PCNT: variants seen among roughly 807,000 people sequenced by gnomAD.
PCNT encodes pericentrin.
A neutral mutation model predicts 380.4 loss-of-function variants in PCNT; 319 were observed. The observed-to-expected ratio is 0.84, with a 90% confidence interval of 0.77 to 0.92. The LOEUF (loss-of-function observed/expected upper bound fraction) is 0.92. Among genes scored for constraint, PCNT ranks in the 40% least tolerant of loss-of-function variants. The pLI, the probability that PCNT is intolerant of heterozygous loss-of-function variation, is 0.00. For synonymous variants in PCNT, 1,845 were observed against 1,735.2 expected, an observed-to-expected ratio of 1.06 and a Z score of -1.57; for missense variants, 4,400 against 4,255.3, an observed-to-expected ratio of 1.03 and a Z score of -0.95.
intron 37 of PCNT, chr21:46,431,123 G>T: frequency 4.2e-6 from 5 of 1,188,576 alleles, no homozygotes; most frequent in Non-Finnish European, 5.3e-6. Flanking sequence ...CAAGCTGGGT[G>T]TGTATCTCTG....
intron 27 of PCNT, among the ~76,000 whole-genome samples, chr21:46,404,866 TG>T (rs1343813061): frequency 6.6e-6 from 1 of 152,022 alleles, no homozygotes; most frequent in Non-Finnish European, 1.5e-5. Context: ...ACCCAGGAGA[TG>T]GAGGATGCAG....
intron 15 of PCNT, among the ~76,000 whole-genome samples, chr21:46,372,775 C>T (rs2085195909): frequency 6.6e-6 from 1 of 152,202 alleles, no homozygotes; most frequent in African/African-American, 2.4e-5. Flanking sequence ...GTGGACAGCT[C>T]TGGGTGCTGC....
chr21:46,440,725 A>G, intron 42 of PCNT, 130 bp from the exon 43 acceptor site: 1 of 545,230 alleles, frequency 1.8e-6, no homozygotes, highest in Non-Finnish European at 3.1e-6. Flanking sequence ...TGGAAGGCCG[A>G]TGGCTCTGTG....
intron 39 of PCNT, among the ~76,000 whole-genome samples, chr21:46,436,772 A>G (rs202219022): frequency 1.3e-5 from 2 of 152,004 alleles, no homozygotes; most frequent in Admixed American, 6.5e-5. Context: ...TCCCGGCTGG[A>G]GGTTTCTGAG....
At position 46,430,087 on chromosome 21, in the gene PCNT, G is replaced by C; in HGVS notation, c.7768G>C (p.Glu2590Gln). 6.2e-7 allele frequency: 1 copy of C among 1,614,242 alleles called. No individual in the cohort carries two copies. Among genetic ancestry groups the C allele is most frequent in the Non-Finnish European group, 8.5e-7 (1 of 1,180,030 alleles). The change falls in exon 36 of 47, where the codon GAG becomes CAG. Residue 2590 changes from glutamate (E) to glutamine (Q), a missense_variant. Glu to Gln is a conservative substitution (Grantham distance 29, BLOSUM62 2). Transcript: ENST00000359568. ...DLQKTLSEEQ[E>Q]KANSVQKLLA... ...GCAGAAGACGCTGAGTGAAGAGCAA[G>C]AGAAGGCAAACAGCGTGCAGAAGCT...
intron 15 of PCNT, among the ~76,000 whole-genome samples, chr21:46,377,133 A>G (rs746527966): frequency 7.2e-5 from 11 of 152,204 alleles, no homozygotes; most frequent in Non-Finnish European, 1.2e-4. Flanking sequence ...CAGGGCTTCC[A>G]TGTGTTTATT....
chr21:46,333,433 A>G (rs1177967826), intron 2 of PCNT, among the ~76,000 whole-genome samples: 1 of 151,344 alleles, frequency 6.6e-6, no homozygotes, highest in Non-Finnish European at 1.5e-5. Flanking sequence ...CTTCGTCTCA[A>G]AAAAGACAAA....
chr21:46,419,390 G>A lies in PCNT; in HGVS notation c.7024+1084G>A, dbSNP rs111498320. 4.3e-4 allele frequency among the ~76,000 whole-genome samples: 66 copies of A among 152,298 alleles called. 2 individuals are homozygous for A. Among genetic ancestry groups the A allele is most frequent in the African/African-American group, 1.2e-3 (48 of 41,562 alleles). On this transcript the variant is annotated intron_variant, in intron 31 of 46. Coordinates refer to ENST00000359568, the MANE Select transcript of PCNT (RefSeq NM_006031.6). ...GATGCCACATTCAACTCTCAGAAAT[G>A]TCTTCTCGTATTTGCTTTATTTTCA...
intron 17 of PCNT, among the ~76,000 whole-genome samples, chr21:46,387,303 TG>T (rs2147253077): frequency 6.6e-6 from 1 of 152,326 alleles, no homozygotes; most frequent in Admixed American, 6.5e-5. Context: ...CTGTAGCACT[TG>T]GCTGTGGGTG....
Position 46,428,532 on chromosome 21 carries a change from G to A in PCNT, c.7632G>A (p.Thr2544=), listed in dbSNP as rs541260181. 74 of 1,610,696 alleles carry A rather than the reference G, an allele frequency of 4.6e-5. No individual in the cohort carries two copies. The South Asian group carries it at 6.0e-4, about 13-fold the overall frequency. ...AGGAGAAGCTGCAGCACTTGCGCAC[G>A]GCGCTGACAAGCGCAGAGGCGCGCG... ...QNQEKLQHLR[T]ALTSAEARGS... The change falls in exon 35 of 47, where the codon ACG becomes ACA. Residue 2544 remains threonine, a synonymous_variant. Coordinates refer to ENST00000359568, the MANE Select transcript of PCNT (RefSeq NM_006031.6).
chr21:46,425,518 C>G lies in PCNT; in HGVS notation c.7180-313C>G, dbSNP rs189894874. Among the ~76,000 whole-genome samples, 2 of 152,224 alleles carry G rather than the reference C, an allele frequency of 1.3e-5. No homozygotes were observed. Among genetic ancestry groups the G allele is most frequent in the Non-Finnish European group, 2.9e-5 (2 of 68,038 alleles). ...GCCCTGAGCTTTGTCCAGGCTTAGG[C>G]GGGGGACGGTGTCCCCCTCAGGGAG... On this transcript the variant is annotated intron_variant, in intron 32 of 46. Transcript: ENST00000359568. The surrounding 1 kb of genome is among the most constrained non-coding windows in gnomAD (Gnocchi z 4.2).
intron 27 of PCNT, 52 bp from the exon 28 acceptor site, chr21:46,411,137 C>T: frequency 2.6e-6 from 4 of 1,553,068 alleles, no homozygotes; most frequent in East Asian, 2.2e-5. Flanking sequence ...GAAGTAGGGA[C>T]ATTCGGAAGT....
intron 15 of PCNT, among the ~76,000 whole-genome samples, chr21:46,374,090 G>A (rs185151591): frequency 1.3e-5 from 2 of 152,236 alleles, no homozygotes; most frequent in East Asian, 3.9e-4. Context: ...AAACAATTGG[G>A]CTGTGGGGAG....
chr21:46,444,076 C>T (rs1035548051), intron 45 of PCNT, 128 bp downstream of exon 45: 10 of 974,182 alleles, frequency 1.0e-5, no homozygotes, highest in East Asian at 2.6e-5. Flanking sequence ...AACTCTCCAG[C>T]GTGAGTCCGT....
intron 15 of PCNT, 55 bp from the exon 16 acceptor site, chr21:46,381,639 A>C: frequency 6.5e-7 from 1 of 1,545,008 alleles, no homozygotes. Flanking sequence ...GGCTAACAGC[A>C]AAGAAAGTAT....
intron 3 of PCNT, among the ~76,000 whole-genome samples, chr21:46,345,686 C>T (rs1187306082): frequency 6.6e-6 from 1 of 152,212 alleles, no homozygotes; most frequent in Admixed American, 6.5e-5. Context: ...TCCAGTGGCT[C>T]CAGACATCAT....
chr21:46,387,737 C>T (rs1466914041), intron 17 of PCNT, among the ~76,000 whole-genome samples: 5 of 152,104 alleles, frequency 3.3e-5, no homozygotes, highest in African/African-American at 1.2e-4. Flanking sequence ...GAGTCCTCAT[C>T]GTCTGCTCCT....
At chr21:46,445,096 T>C (rs186394111) in intron 46 of PCNT, among the ~76,000 whole-genome samples, 188 bp from the exon 47 acceptor site, 36 of 152,340 alleles carry the variant, frequency 2.4e-4, no homozygotes, top group African/African-American at 7.9e-4. Context: ...AACATAAAGA[T>C]TATATTTCGA....
chr21:46,398,604 A>G (rs2086288751), intron 24 of PCNT, among the ~76,000 whole-genome samples: 1 of 152,126 alleles, frequency 6.6e-6, no homozygotes, highest in African/African-American at 2.4e-5. Flanking sequence ...GTACTGGGTC[A>G]CGGCCATGCC....
Sources: allele counts gnomAD v4.1 joint callset (sites outside exome capture counted in the v4.1 genomes callset), GRCh38; gene constraint gnomAD v4.1.1; non-coding constraint Gnocchi (gnomAD v3.1); transcripts MANE v1.5; gene names NCBI Gene and HGNC (gene_info 2026-07-23, HGNC 2026-07-21).